Variants in TMTC1 observed in about 807,000 individuals in gnomAD.
TMTC1 encodes the protein protein O-mannosyl-transferase TMTC1.
TMTC1 carries 73 observed loss-of-function variants against 104.8 expected under a neutral mutation model. That is an observed-to-expected ratio of 0.70 (90% CI 0.58 to 0.85). The LOEUF is 0.85. TMTC1 is among the 40% of genes least tolerant of loss of function. The probability of loss-of-function intolerance (pLI) is 0.00; values close to 1 mark genes in which losing one functional copy is unlikely to be tolerated. For synonymous variants in TMTC1, 434 were observed against 428.7 expected (o/e 1.01, Z -0.15); for missense variants, 1,035 against 1,096.1 (o/e 0.94, Z 0.79).
intron 7 of TMTC1, among the ~76,000 whole-genome samples, chr12:29,590,781 T>A (rs967424706): frequency 2.0e-5 from 3 of 152,038 alleles, no homozygotes; most frequent in Non-Finnish European, 2.9e-5. Context: ...TGAAACTCCG[T>A]CTCAAACAAA....
chr12:29,545,520 G>A (rs1944915127), intron 10 of TMTC1, among the ~76,000 whole-genome samples: 2 of 152,044 alleles, frequency 1.3e-5, no homozygotes, highest in Middle Eastern at 3.4e-3. Flanking sequence ...CATGCCTGTA[G>A]TCCCAGCTAC....
chr12:29,649,677 T>C (rs188181301), intron 5 of TMTC1, among the ~76,000 whole-genome samples: 5 of 152,358 alleles, frequency 3.3e-5, no homozygotes, highest in Admixed American at 2.0e-4. Flanking sequence ...TTTTGCTGTT[T>C]TTATAAAGTT....
intron 5 of TMTC1, among the ~76,000 whole-genome samples, chr12:29,731,948 A>T (rs1208664156): frequency 6.6e-6 from 1 of 152,138 alleles, no homozygotes; most frequent in African/African-American, 2.4e-5. Context: ...TCCCATTCCT[A>T]TAAACAAAGA....
intron 4 of TMTC1, among the ~76,000 whole-genome samples, chr12:29,754,239 T>A (rs1210056437): frequency 1.3e-5 from 2 of 149,448 alleles, no homozygotes; most frequent in Non-Finnish European, 3.0e-5. Flanking sequence ...GTATTAATCC[T>A]CCCAAAGAAT....
At chr12:29,521,569 T>C (rs1487624881) in intron 11 of TMTC1, among the ~76,000 whole-genome samples, 1 of 147,118 alleles carries the variant, frequency 6.8e-6, no homozygotes, top group Non-Finnish European at 1.5e-5. Flanking sequence ...TTTCTTTCTT[T>C]TTTTTTTTTT....
rs553616686 is a variant in TMTC1, at chr12:29,648,343, G to C, written c.939-15007C>G. On this transcript the variant is annotated intron_variant, in intron 5 of 17. Transcript: ENST00000539277. ...GGCTCTACTCACAGAACAACTTTGA[G>C]TGGGAATTTACAAGAAGTATCATAA... 8.5e-5 allele frequency among the ~76,000 whole-genome samples: 13 copies of C among 152,326 alleles called. No homozygotes were observed. The South Asian group carries it at 2.7e-3, about 32-fold the overall frequency.
At chr12:29,603,344 T>C (rs75993583) in intron 7 of TMTC1, among the ~76,000 whole-genome samples, 2,439 of 152,154 alleles carry the variant, frequency 0.016, 65 homozygotes, top group African/African-American at 0.054. Context: ...TTTTGGTTTA[T>C]GATACTGCCT....
Position 29,783,557 on chromosome 12 carries a change from G to C in TMTC1, c.195C>G (p.Pro65=). ...WAIVNNPDVR[P]GAPLRWGIFT... ...AGATGCCCCAGCGGAGCGGGGCGCC[G>C]GGCCGCACGTCGGGGTTGTTCACGA... The change falls in exon 1 of 18, where the codon CCC becomes CCG. Residue 65 remains proline, a synonymous_variant. Coordinates refer to ENST00000539277, the MANE Select transcript of TMTC1 (RefSeq NM_001193451.2). The surrounding 1 kb of genome is among the most constrained non-coding windows in gnomAD (Gnocchi z 4.7). 1 of 1,477,206 alleles carries C rather than the reference G, an allele frequency of 6.8e-7. No homozygotes were observed. The allele number at this position is 1,477,206 out of a possible 1,614,324, so 91.5% of individuals were successfully genotyped here.
At chr12:29,770,715 T>C (rs1401760750) in intron 1 of TMTC1, among the ~76,000 whole-genome samples, 1 of 152,170 alleles carries the variant, frequency 6.6e-6, no homozygotes, top group Non-Finnish European at 1.5e-5. Context: ...ACCCTGAATC[T>C]GGAGTTAGGA....
intron 2 of TMTC1, among the ~76,000 whole-genome samples, chr12:29,765,121 C>G (rs1943433589): frequency 6.6e-6 from 1 of 152,080 alleles, no homozygotes; most frequent in Non-Finnish European, 1.5e-5. Flanking sequence ...TTCTATATGT[C>G]TAGTAGTAGT....
chr12:29,769,976 T>G (rs1395637936), intron 1 of TMTC1, among the ~76,000 whole-genome samples: 1 of 151,882 alleles, frequency 6.6e-6, no homozygotes, highest in African/African-American at 2.4e-5. Context: ...ATAAAAGATG[T>G]TAGAGTGAAT....
At position 29,631,228 on chromosome 12, in the gene TMTC1, C is replaced by CT. The variant is rs138954438; in HGVS notation, c.1128+1918dup. On this transcript the variant is annotated intron_variant, in intron 6 of 17. Coordinates refer to ENST00000539277, the MANE Select transcript of TMTC1 (RefSeq NM_001193451.2). ...TGCCTCTTCATTTAATTCACATTAT[C>CT]TTTTGATGAAAAAAATATTTAATTT... Among the ~76,000 whole-genome samples the CT allele has an allele frequency of 4.1e-3, 627 of 151,162 alleles. 3 individuals are homozygous for CT. Among genetic ancestry groups the CT allele is most frequent in the Middle Eastern group, 6.8e-3 (2 of 294 alleles).
intron 5 of TMTC1, among the ~76,000 whole-genome samples, chr12:29,689,695 A>G (rs1255472377): frequency 6.6e-6 from 1 of 152,200 alleles, no homozygotes; most frequent in African/African-American, 2.4e-5. Context: ...GTGAGTCTAG[A>G]TGTTTTAAAA....
intron 7 of TMTC1, among the ~76,000 whole-genome samples, chr12:29,602,535 C>A (rs890261099): frequency 6.6e-6 from 1 of 152,148 alleles, no homozygotes; most frequent in Non-Finnish European, 1.5e-5. Flanking sequence ...AGAGGAATCA[C>A]GATCATGTTT....
chr12:29,756,579 T>G (rs1943220776), intron 3 of TMTC1, among the ~76,000 whole-genome samples: 4 of 152,148 alleles, frequency 2.6e-5, no homozygotes, highest in Admixed American at 2.6e-4. Context: ...ATATCTTAGG[T>G]AAAGTTTATT....
At chr12:29,714,808 G>A (rs967884053) in intron 5 of TMTC1, among the ~76,000 whole-genome samples, 3 of 152,122 alleles carry the variant, frequency 2.0e-5, no homozygotes, top group African/African-American at 7.2e-5. Context: ...AGGGAAAAAG[G>A]ATGGCCCCAG....
At chr12:29,574,764 C>T (rs981858189) in intron 8 of TMTC1, among the ~76,000 whole-genome samples, 1 of 152,164 alleles carries the variant, frequency 6.6e-6, no homozygotes. Context: ...CACATTTAAC[C>T]CTCATCACTT....
At chr12:29,544,745 G>T (rs1029630311) in intron 10 of TMTC1, among the ~76,000 whole-genome samples, 1 of 152,222 alleles carries the variant, frequency 6.6e-6, no homozygotes, top group African/African-American at 2.4e-5. Flanking sequence ...ATGCTCCCAG[G>T]TAGGGACCTA....
At chr12:29,769,007 T>C (rs936060033) in intron 1 of TMTC1, among the ~76,000 whole-genome samples, 1 of 152,178 alleles carries the variant, frequency 6.6e-6, no homozygotes, top group Admixed American at 6.5e-5. Flanking sequence ...CCTACAGTTG[T>C]CTGTATTCTA....
Sources: allele counts gnomAD v4.1 joint callset (sites outside exome capture counted in the v4.1 genomes callset), GRCh38; gene constraint gnomAD v4.1.1; non-coding constraint Gnocchi (gnomAD v3.1); transcripts MANE v1.5; gene names NCBI Gene and HGNC (gene_info 2026-07-23, HGNC 2026-07-21).